Variants in BCOR observed in about 807,000 individuals in gnomAD.
The protein encoded by BCOR is BCL-6 corepressor.
A neutral mutation model predicts 86.7 loss-of-function variants in BCOR; 10 were observed. The observed-to-expected ratio is 0.12, with a 90% CI of 0.07 to 0.20. BCOR has a LOEUF of 0.20. BCOR is among the 10% of genes least tolerant of loss of function. The probability of loss-of-function intolerance (pLI) is 1.00; values close to 1 mark genes in which losing one functional copy is unlikely to be tolerated. For synonymous variants in BCOR, 611 were observed against 609.0 expected, an observed-to-expected ratio of 1.00 and a Z score of -0.05; for missense variants, 1,259 against 1,452.1, an observed-to-expected ratio of 0.87 and a Z score of 2.16.
chrX:40,074,419 G>A lies in BCOR; in HGVS notation c.927C>T (p.Asn309=), dbSNP rs1384525732. The change falls in exon 4 of 15, where the codon AAC becomes AAT. Residue 309 remains asparagine (N), a synonymous_variant. Coordinates refer to ENST00000378444, the MANE Select transcript of BCOR (RefSeq NM_001123385.2). ...VDSHAYPHIQ[N]SKQPRVPSAK... is the part of the protein sequence containing the mutation. Reference sequence around the variant, plus strand: ...CAGAGGGAACCCTGGGCTGCTTACTGTTCTGGATGTGAGGATAGGCGTGGG... The same window carrying A: ...CAGAGGGAACCCTGGGCTGCTTACTATTCTGGATGTGAGGATAGGCGTGGG... 8.3e-7 allele frequency: 1 copy of A among 1,209,746 alleles called. No individual in the cohort carries two copies. The highest frequency in any genetic ancestry group is 1.1e-6 in the Non-Finnish European group (1 of 894,356).
chrX:40,098,032 C>T (rs1936980629), upstream of BCOR, among the ~76,000 whole-genome samples: 1 of 90,296 alleles, frequency 1.1e-5, no homozygotes, highest in Non-Finnish European at 2.2e-5. Context: ...CTCCCTCCGC[C>T]CGTCCTCCCT....
chrX:40,164,966 T>C (rs1005582390), intron 1 of BCOR, among the ~76,000 whole-genome samples: 1 of 111,807 alleles, frequency 8.9e-6, no homozygotes, highest in African/African-American at 3.3e-5. Context: ...CACAGGCCCC[T>C]GATGCCCAGG....
At chrX:40,150,242 A>G (rs1284814514) in intron 1 of BCOR, among the ~76,000 whole-genome samples, 1 of 112,458 alleles carries the variant, frequency 8.9e-6, no homozygotes, top group East Asian at 2.8e-4. Context: ...GTTTTTTTCC[A>G]CTACGGAAAG....
intron 1 of BCOR, among the ~76,000 whole-genome samples, chrX:40,091,729 G>C (rs917440417): frequency 2.6e-5 from 3 of 113,419 alleles, no homozygotes; most frequent in African/African-American, 9.6e-5. Flanking sequence ...AGGGCGGCTG[G>C]GGGGAGACCA....
intron 6 of BCOR, among the ~76,000 whole-genome samples, chrX:40,067,622 G>C (rs746189101): frequency 7.2e-5 from 8 of 111,686 alleles, no homozygotes; most frequent in Admixed American, 6.6e-4. Flanking sequence ...AGATCTTTCC[G>C]CAAACGAGAT....
chrX:40,052,235 T>C lies in BCOR; in HGVS notation c.5142A>G (p.Glu1714=). The C allele has an allele frequency of 8.3e-7, 1 of 1,211,980 alleles. No homozygotes were observed. Among genetic ancestry groups the C allele is most frequent in the South Asian group, 1.8e-5 (1 of 56,987 alleles). ...SLLFSCSKDL[E]AFNPESKELL... is the part of the protein sequence containing the mutation. Reference sequence around the variant, plus strand: ...GCTCCTTACTTTCAGGGTTGAAGGCTTCCAGGTCTTTGGAGCAAGAGAACA... The same window carrying C: ...GCTCCTTACTTTCAGGGTTGAAGGCCTCCAGGTCTTTGGAGCAAGAGAACA... The change falls in exon 15 of 15, where the codon GAA becomes GAG. Residue 1714 remains glutamate (E), a synonymous_variant. Coordinates refer to ENST00000378444, the MANE Select transcript of BCOR (RefSeq NM_001123385.2).
chrX:40,070,188 G>C, intron 6 of BCOR, among the ~76,000 whole-genome samples: 1 of 111,924 alleles, frequency 8.9e-6, no homozygotes, highest in Admixed American at 9.5e-5. Context: ...CCTCCAGTTA[G>C]TTCACCCAGA....
At chrX:40,102,887 C>G (rs1013571715), upstream of BCOR, among the ~76,000 whole-genome samples, 1 of 113,175 alleles carries the variant, frequency 8.8e-6, no homozygotes, top group Non-Finnish European at 1.9e-5. Flanking sequence ...GTGAGTGGCG[C>G]GGGATGGTTG....
rs187172641 is a variant in BCOR, at chrX:40,062,945, T to C, written c.3974A>G (p.Lys1325Arg). The change falls in exon 9 of 15, where the codon AAA becomes AGA. Residue 1325 changes from lysine (K) to arginine (R), a missense_variant. Lys to Arg is a conservative substitution (Grantham distance 26, BLOSUM62 2). Around this residue, in one of 7 missense-constraint regions of BCOR, gnomAD observed 305 missense variants for 286.1 expected, o/e 1.07. Transcript: ENST00000378444. Reference sequence around the variant, plus strand: ...CAGCACATCTGTCTTCTGGTTTTCTTTAATTTTCTGCTGTTTGGCAGGCGG... The same window carrying C: ...CAGCACATCTGTCTTCTGGTTTTCTCTAATTTTCTGCTGTTTGGCAGGCGG... The part of the protein sequence containing the change: ...SRPPAKQQKI[K>R]ENQKTDVLCA... 352 of 1,200,919 alleles carry C rather than the reference T, an allele frequency of 2.9e-4. No individual in the cohort carries two copies. The Admixed American group carries it at 7.4e-3, about 25-fold the overall frequency.
At chrX:40,165,911 A>G (rs1938501357) in intron 1 of BCOR, among the ~76,000 whole-genome samples, 1 of 111,766 alleles carries the variant, frequency 8.9e-6, no homozygotes, top group African/African-American at 3.3e-5. Flanking sequence ...CCGAGTAGCT[A>G]GGATTACAGG....
intron 1 of BCOR, among the ~76,000 whole-genome samples, chrX:40,089,431 T>G (rs1936499788): frequency 9.0e-6 from 1 of 111,688 alleles, no homozygotes; most frequent in Non-Finnish European, 1.9e-5. Flanking sequence ...TCTGAAAAGC[T>G]TCCTTAGGCC....
At chrX:40,055,712 G>A (rs1448029084) in intron 11 of BCOR, among the ~76,000 whole-genome samples, 199 bp from the exon 12 acceptor site, 1 of 109,994 alleles carries the variant, frequency 9.1e-6, no homozygotes, top group Non-Finnish European at 1.9e-5. Flanking sequence ...ACAGTGAGTG[G>A]CTCAACGTCA....
At chrX:40,139,425 C>CATAT (rs1156368166) in intron 1 of BCOR, among the ~76,000 whole-genome samples, 1 of 1,049 alleles carries the variant, frequency 9.5e-4, no homozygotes, top group Non-Finnish European at 1.5e-3. Context: ...AATATATATA[C>CATAT]ATATATATAT....
At chrX:40,132,217 CCT>C (rs1216341016) in intron 1 of BCOR, among the ~76,000 whole-genome samples, 1 of 111,995 alleles carries the variant, frequency 8.9e-6, no homozygotes, top group Admixed American at 9.5e-5. Context: ...GGCTGCAGCC[CCT>C]GTTGATGTGT....
upstream of BCOR, among the ~76,000 whole-genome samples, chrX:40,102,586 G>T (rs994520771): frequency 1.8e-5 from 2 of 113,923 alleles, no homozygotes; most frequent in African/African-American, 3.2e-5. Flanking sequence ...GGGAACCGCC[G>T]GGAGAGGGGG....
chrX:40,168,726 C>G (rs1432248332), intron 1 of BCOR, among the ~76,000 whole-genome samples: 1 of 113,271 alleles, frequency 8.8e-6, no homozygotes, highest in Admixed American at 9.2e-5. Flanking sequence ...CTTCCTGGAC[C>G]GCGAGCACGG....
intron 1 of BCOR, among the ~76,000 whole-genome samples, chrX:40,168,908 T>C (rs1178302831): frequency 8.9e-6 from 1 of 112,747 alleles, no homozygotes; most frequent in African/African-American, 3.2e-5. Flanking sequence ...GCTTCGTGCC[T>C]CCTGGCCTCC....
intron 1 of BCOR, among the ~76,000 whole-genome samples, chrX:40,168,530 C>T (rs1041383925): frequency 1.5e-4 from 17 of 113,076 alleles, no homozygotes; most frequent in African/African-American, 5.5e-4. Flanking sequence ...GCTCTCCCCA[C>T]ACAGACAAAT....
intron 12 of BCOR, among the ~76,000 whole-genome samples, chrX:40,055,159 A>G (rs745529166): frequency 3.6e-5 from 4 of 112,513 alleles, no homozygotes; most frequent in African/African-American, 1.3e-4. Context: ...GAATAACTTT[A>G]GGAAATCTTT....
Sources: gnomAD v4.1 joint callset for allele counts (sites outside exome capture counted in the v4.1 genomes callset) on GRCh38, gnomAD v4.1.1 for gene constraint, gnomAD v4.1.1 regional missense constraint, MANE v1.5 for transcripts, NCBI Gene and HGNC (gene_info 2026-07-23, HGNC 2026-07-21) for gene names.